The following CCNI variants were observed in gnomAD, a reference collection of about 807,000 sequenced individuals.
CCNI encodes the protein cyclin I, also known as cyclin-I.
CCNI carries 14 observed loss-of-function variants against 34.1 expected under a neutral mutation model. That is an observed-to-expected ratio of 0.41 (90% CI 0.27 to 0.64). The LOEUF (loss-of-function observed/expected upper bound fraction) is 0.64, where lower values mean the gene tolerates loss of function less well. CCNI is among the 30% of genes least tolerant of loss of function. The probability of loss-of-function intolerance (pLI) is 0.31; values close to 1 mark genes in which losing one functional copy is unlikely to be tolerated. For synonymous variants in CCNI, 154 were observed against 158.4 expected, an observed-to-expected ratio of 0.97 and a Z score of 0.21; for missense variants, 385 against 440.5, an observed-to-expected ratio of 0.87 and a Z score of 1.13.
rs1442924187 is a variant in CCNI, at chr4:77,047,731, G to C, written c.*488C>G. 6.5e-6 allele frequency: 1 copy of C among 153,316 alleles called. No individual in the cohort carries two copies. Among genetic ancestry groups the C allele is most frequent in the Non-Finnish European group, 1.5e-5 (1 of 68,856 alleles). 9.5% of individuals were successfully genotyped at this position (153,316 alleles called of 1,614,324 possible). A position where few individuals can be genotyped will look rare whatever the true frequency, so the allele number is the denominator to read the frequency against. On this transcript the variant is annotated 3_prime_UTR_variant, in exon 7 of 7. Coordinates refer to ENST00000237654, the MANE Select transcript of CCNI (RefSeq NM_006835.3). The stretch of plus-strand genomic sequence containing the variant: ...ACCCTTTTCAGACTAATTGGAACTT[G>C]AGTCATGGCTGTCACACTGAAATAA...
intron 1 of CCNI, among the ~76,000 whole-genome samples, chr4:77,071,282 C>G (rs888918030): frequency 6.6e-6 from 1 of 152,112 alleles, no homozygotes; most frequent in African/African-American, 2.4e-5. Flanking sequence ...AGAAGAGTCA[C>G]AGGGGAAATT....
chr4:77,048,456 T>A lies in CCNI; in HGVS notation c.897A>T (p.Pro299=), dbSNP rs752582541. ...FSKDNSKPEV[P]VRGTAAFYHH... Reference sequence around the variant, plus strand: ...GGTAAAAGGCTGCTGTACCTCTGACTGGCACTTCTGGCTTGCTGTTGTCCT... The same window carrying A: ...GGTAAAAGGCTGCTGTACCTCTGACAGGCACTTCTGGCTTGCTGTTGTCCT... Residue 299 remains proline (P), a synonymous_variant, in exon 7 of 7, where the codon CCA becomes CCT. Transcript: ENST00000237654. 3 of 1,614,186 alleles carry A rather than the reference T, an allele frequency of 1.9e-6. No homozygotes were observed. Among genetic ancestry groups the A allele is most frequent in the Non-Finnish European group, 2.5e-6 (3 of 1,180,036 alleles).
intron 2 of CCNI, among the ~76,000 whole-genome samples, chr4:77,060,373 T>C (rs1206744230): frequency 6.6e-6 from 1 of 152,192 alleles, no homozygotes; most frequent in Non-Finnish European, 1.5e-5. Context: ...GAAAAACAAA[T>C]TTACAAAACA....
chr4:77,052,818 A>C (rs1398591242), intron 6 of CCNI, among the ~76,000 whole-genome samples: 1 of 152,204 alleles, frequency 6.6e-6, no homozygotes, highest in African/African-American at 2.4e-5. Flanking sequence ...AAACTTAGCA[A>C]AAACAGAAAT....
At chr4:77,048,738 C>T in intron 6 of CCNI, 76 bp from the exon 7 acceptor site, 1 of 1,122,840 alleles carries the variant, frequency 8.9e-7, no homozygotes, top group Non-Finnish European at 1.2e-6. Context: ...CTCTGGTGGC[C>T]ATTTTTCCTC....
In CCNI at chr4:77,060,250, T is replaced by C. The variant is rs554081580; in HGVS notation, c.115-1615A>G. Reference sequence around the variant, plus strand: ...ATACAGTTATATGGAGATTATCATATAGTTATAACTAAATGACATAACTAA... The same window carrying C: ...ATACAGTTATATGGAGATTATCATACAGTTATAACTAAATGACATAACTAA... On this transcript the variant is annotated intron_variant, in intron 2 of 6. Transcript: ENST00000237654. 5.9e-5 allele frequency among the ~76,000 whole-genome samples: 9 copies of C among 152,346 alleles called. No individual in the cohort carries two copies. In the East Asian group the frequency reaches 7.7e-4, roughly 13 times the overall value.
At chr4:77,064,743 G>T (rs1464703476) in intron 2 of CCNI, 1 of 150,922 alleles carries the variant, frequency 6.6e-6, no homozygotes, top group Non-Finnish European at 1.5e-5. Context: ...GCAGTGACGT[G>T]ATCTCGGCTC....
Position 77,066,424 on chromosome 4 carries a change from T to G in CCNI, c.-43-19A>C. The G allele has an allele frequency of 6.3e-7, 1 of 1,591,902 alleles. No individual in the cohort carries two copies. The highest frequency in any genetic ancestry group is 1.1e-5 in the South Asian group (1 of 88,320). ...TAGCTACCTACAGAATCAAGTAAGT[T>G]TTAAAATTAGTTATAGAATAAGTGT... is the stretch of plus-strand genomic sequence containing the variant. On this transcript the variant is annotated intron_variant, in intron 1 of 6. Transcript: ENST00000237654.
intron 2 of CCNI, among the ~76,000 whole-genome samples, chr4:77,064,112 G>T (rs1347310684): frequency 6.6e-6 from 1 of 151,872 alleles, no homozygotes; most frequent in Non-Finnish European, 1.5e-5. Context: ...TATGGTGGCG[G>T]GTGCCTGTTA....
At chr4:77,048,962 GTTTTTTTTTTTTTTT>G (rs538284505) in intron 6 of CCNI, among the ~76,000 whole-genome samples, 1 of 47,648 alleles carries the variant, frequency 2.1e-5, no homozygotes, top group African/African-American at 6.1e-5. Flanking sequence ...TCCAACGTCT[GTTTTTTTTTTTTTTT>G]TTTTTTTTTT....
In CCNI at chr4:77,066,263, T is replaced by C; in HGVS notation, c.100A>G (p.Met34Val). ...AAAATCATTACCTGATTTGAAGGCA[T>C]TTTCCGCACATTCACTTTCCACATC... ...AQMWKVNVRK[M>V]PSNQNVSPSQ... is the part of the protein sequence containing the mutation. Residue 34 changes from methionine to valine, a missense_variant, in exon 2 of 7, where the codon ATG becomes GTG. Met to Val is a conservative substitution (Grantham distance 21). Around this residue, in one of 2 missense-constraint regions of CCNI, gnomAD observed 135 missense variants for 191.8 expected, o/e 0.70. Coordinates refer to ENST00000237654, the MANE Select transcript of CCNI (RefSeq NM_006835.3). 6.2e-7 allele frequency: 1 copy of C among 1,613,706 alleles called. No individual in the cohort carries two copies. The highest frequency in any genetic ancestry group is 8.5e-7 in the Non-Finnish European group (1 of 1,179,682).
At chr4:77,052,175 G>A (rs1161731169) in intron 6 of CCNI, among the ~76,000 whole-genome samples, 1 of 150,842 alleles carries the variant, frequency 6.6e-6, no homozygotes, top group African/African-American at 2.4e-5. Context: ...ATGTCCGCGT[G>A]TACCCAACGT....
At chr4:77,072,325 A>G (rs1560786825) in intron 1 of CCNI, among the ~76,000 whole-genome samples, 2 of 151,740 alleles carry the variant, frequency 1.3e-5, no homozygotes, top group Non-Finnish European at 2.9e-5. Flanking sequence ...ACTTTTAAAA[A>G]CAGGACAGAA....
intron 2 of CCNI, among the ~76,000 whole-genome samples, chr4:77,061,141 A>T (rs376748537): frequency 6.6e-6 from 1 of 152,232 alleles, no homozygotes; most frequent in African/African-American, 2.4e-5. Flanking sequence ...AGCCAAAACC[A>T]GCAATAATTT....
intron 2 of CCNI, among the ~76,000 whole-genome samples, chr4:77,061,756 G>A (rs555946318): frequency 2.6e-5 from 4 of 152,110 alleles, no homozygotes; most frequent in African/African-American, 4.8e-5. Context: ...TGCAAGCTCC[G>A]CCTCCCAGGT....
At chr4:77,073,304 G>A (rs942405884) in intron 1 of CCNI, among the ~76,000 whole-genome samples, 4 of 152,156 alleles carry the variant, frequency 2.6e-5, no homozygotes, top group African/African-American at 9.7e-5. Context: ...GTTTATAAAA[G>A]GCTTACTGTA....
intron 1 of CCNI, among the ~76,000 whole-genome samples, chr4:77,067,682 T>TG (rs1729135775): frequency 7.0e-6 from 1 of 142,978 alleles, no homozygotes; most frequent in African/African-American, 2.5e-5. Flanking sequence ...TTTTTTTTTT[T>TG]GTAGAGATGC....
rs781250375 is a variant in CCNI at position 77,048,198 on chromosome 4, C to CA, written c.*20dup. 6.3e-7 allele frequency: 1 copy of CA among 1,595,382 alleles called. No individual in the cohort carries two copies. The highest frequency in any genetic ancestry group is 8.6e-7 in the Non-Finnish European group (1 of 1,168,076). On this transcript the variant is annotated 3_prime_UTR_variant, in exon 7 of 7. Transcript: ENST00000237654. ...AAAGTAGTCTACCTTAGTTTACACT[C>CA]AAAGGTAGCACTTGTTGAAACTACA...
At chr4:77,062,075 C>T (rs949400984) in intron 2 of CCNI, among the ~76,000 whole-genome samples, 3 of 152,122 alleles carry the variant, frequency 2.0e-5, no homozygotes, top group Non-Finnish European at 4.4e-5. Context: ...TGGTATTTTA[C>T]GTTACTGCTC....
Sources: gnomAD v4.1 joint callset for allele counts (sites outside exome capture counted in the v4.1 genomes callset) on GRCh38, gnomAD v4.1.1 for gene constraint, gnomAD v4.1.1 regional missense constraint, MANE v1.5 for transcripts, NCBI Gene and HGNC (gene_info 2026-07-23, HGNC 2026-07-21) for gene names.